IL1R1: variants seen among roughly 807,000 people sequenced by gnomAD.
IL1R1 encodes the protein interleukin-1 receptor type 1.
A neutral mutation model predicts 50.2 loss-of-function variants in IL1R1; 22 were observed. The ratio of observed to expected loss-of-function variants is 0.44; its 90% CI spans 0.31 to 0.63. The LOEUF (loss-of-function observed/expected upper bound fraction) is 0.63, where lower values mean the gene tolerates loss of function less well. Among genes scored for constraint, IL1R1 ranks in the 20% least tolerant of loss-of-function variants. The pLI, the probability that IL1R1 is intolerant of heterozygous loss-of-function variation, is 0.07. For synonymous variants in IL1R1, 251 were observed against 236.7 expected (o/e 1.06, Z -0.55); for missense variants, 509 against 676.2 (o/e 0.75, Z 2.74).
At chr2:102,075,857 A>T (rs1678933923) in intron 1 of IL1R1, among the ~76,000 whole-genome samples, 2 of 152,224 alleles carry the variant, frequency 1.3e-5, no homozygotes, top group South Asian at 2.1e-4. Flanking sequence ...TGGCTTTAAG[A>T]TGATCAATCT....
chr2:102,159,061 G>A (rs768217632), intron 3 of IL1R1, among the ~76,000 whole-genome samples: 2 of 152,200 alleles, frequency 1.3e-5, no homozygotes, highest in Non-Finnish European at 2.9e-5. Flanking sequence ...CTGCGCAAAC[G>A]CAAGGTGAAA....
chr2:102,103,421 T>G (rs1285019892), upstream of IL1R1, among the ~76,000 whole-genome samples: 1 of 152,130 alleles, frequency 6.6e-6, no homozygotes, highest in Admixed American at 6.5e-5. Context: ...AGTGGCAGAA[T>G]TGAGGCTGCA....
intron 9 of IL1R1, among the ~76,000 whole-genome samples, chr2:102,173,158 C>T (rs1685836910): frequency 6.6e-6 from 1 of 152,140 alleles, no homozygotes; most frequent in African/African-American, 2.4e-5. Context: ...TGGTGGCAAC[C>T]ATTTATCTTA....
At chr2:102,090,713 T>C (rs1017687705) in intron 1 of IL1R1, among the ~76,000 whole-genome samples, 1 of 152,204 alleles carries the variant, frequency 6.6e-6, no homozygotes. Flanking sequence ...TTAGTTCATG[T>C]TTTTCTGCAT....
rs145900966 is a variant in IL1R1 at position 102,176,295 on chromosome 2, A to G, written c.1304-58A>G. 7,705 of 1,501,336 alleles carry G rather than the reference A, an allele frequency of 5.1e-3. 26 individuals are homozygous for G. Among genetic ancestry groups the G allele is most frequent in the Non-Finnish European group, 6.6e-3 (7,224 of 1,100,724 alleles). The allele number at this position is 1,501,336 out of a possible 1,614,324, so 93.0% of individuals were successfully genotyped here. A position where few individuals can be genotyped will look rare whatever the true frequency, so the allele number is the denominator to read the frequency against. On this transcript the variant is annotated intron_variant, in intron 11 of 11. Coordinates refer to ENST00000410023, the MANE Select transcript of IL1R1 (RefSeq NM_000877.4). Reference sequence around the variant, plus strand: ...GAAAAGCCTTGTGTGGCTTTGGTTCAGGAGAGAATGATGATAAATAGAATT... The same window carrying G: ...GAAAAGCCTTGTGTGGCTTTGGTTCGGGAGAGAATGATGATAAATAGAATT...
intron 1 of IL1R1, among the ~76,000 whole-genome samples, chr2:102,115,937 G>A (rs1681046492): frequency 6.6e-6 from 1 of 152,198 alleles, no homozygotes; most frequent in South Asian, 2.1e-4. Flanking sequence ...TTGTTTGGGA[G>A]GCAGTGGAGC....
In IL1R1 at chr2:102,168,359, T is replaced by C. The variant is rs150592792; in HGVS notation, c.656-239T>C. Among the ~76,000 whole-genome samples, 750 of 152,328 alleles carry C rather than the reference T, an allele frequency of 4.9e-3. 4 individuals are homozygous for C. Among genetic ancestry groups the C allele is most frequent in the African/African-American group, 0.017 (724 of 41,578 alleles). On this transcript the variant is annotated intron_variant, in intron 6 of 11. Coordinates refer to ENST00000410023, the MANE Select transcript of IL1R1 (RefSeq NM_000877.4). ...TCCTGGTGATGTGTGTGTTTTTCAGTAGCACCCCACTCTATGAATTCGGAA... is the reference window on the plus strand; with the variant it reads ...TCCTGGTGATGTGTGTGTTTTTCAGCAGCACCCCACTCTATGAATTCGGAA...
rs1470345376 is a variant in IL1R1 at position 102,127,391 on chromosome 2, C to G, written c.-84+22519C>G. On this transcript the variant is annotated intron_variant, in intron 1 of 10. Transcript: ENST00000409329. ...AAATACTGAAATCAAGTGCAAGAACCTTTAATGGGCAGAGTTAAATGACAC... is the reference window on the plus strand; with the variant it reads ...AAATACTGAAATCAAGTGCAAGAACGTTTAATGGGCAGAGTTAAATGACAC... Among the ~76,000 whole-genome samples the G allele has an allele frequency of 1.3e-5, 2 of 152,042 alleles. 1 individual carries two copies. Among genetic ancestry groups the G allele is most frequent in the East Asian group, 3.9e-4 (2 of 5,188 alleles).
At chr2:102,127,175 G>A (rs1353394802) in intron 1 of IL1R1, among the ~76,000 whole-genome samples, 1 of 152,202 alleles carries the variant, frequency 6.6e-6, no homozygotes, top group African/African-American at 2.4e-5. Context: ...ATCCTTTGAA[G>A]TTCCATTGGG....
At chr2:102,108,472 G>A (rs972774315) in intron 1 of IL1R1, among the ~76,000 whole-genome samples, 23 of 152,116 alleles carry the variant, frequency 1.5e-4, no homozygotes, top group Non-Finnish European at 2.6e-4. Context: ...CTCAAAGACG[G>A]GGTCCGGTTT....
At chr2:102,108,079 A>G (rs1219711835) in intron 1 of IL1R1, among the ~76,000 whole-genome samples, 2 of 152,188 alleles carry the variant, frequency 1.3e-5, no homozygotes, top group Admixed American at 1.3e-4. Context: ...GAAAAGCAAA[A>G]ATGCAAAATG....
chr2:102,112,110 G>C (rs1213764245), intron 1 of IL1R1, among the ~76,000 whole-genome samples: 2 of 151,846 alleles, frequency 1.3e-5, no homozygotes, highest in Admixed American at 1.3e-4. Context: ...TTATGAGTCT[G>C]TAGTGTTTTC....
intron 1 of IL1R1, among the ~76,000 whole-genome samples, chr2:102,109,978 G>T (rs1680654273): frequency 6.6e-6 from 1 of 152,044 alleles, no homozygotes. Flanking sequence ...ACTTTTTTTG[G>T]TTAAACTTTT....
chr2:102,174,808 GT>G (rs3917316), intron 10 of IL1R1, 78 bp downstream of exon 10: 2 of 1,207,050 alleles, frequency 1.7e-6, no homozygotes, highest in Non-Finnish European at 2.3e-6. Flanking sequence ...GACTAAGAGG[GT>G]TTTTACTAAG....
intron 1 of IL1R1, among the ~76,000 whole-genome samples, chr2:102,133,188 G>A (rs1682135790): frequency 7.3e-6 from 1 of 137,778 alleles, no homozygotes; most frequent in Admixed American, 7.7e-5. Context: ...AGCTTGCAGT[G>A]AGCCCATATC....
At chr2:102,100,283 T>C (rs1489520831), upstream of IL1R1, among the ~76,000 whole-genome samples, 4 of 152,188 alleles carry the variant, frequency 2.6e-5, no homozygotes, top group East Asian at 1.9e-4. Flanking sequence ...CTCTCCACAA[T>C]TGAAGAGTGC....
At chr2:102,101,369 T>A (rs1011681699), upstream of IL1R1, among the ~76,000 whole-genome samples, 1 of 152,198 alleles carries the variant, frequency 6.6e-6, no homozygotes, top group African/African-American at 2.4e-5. Flanking sequence ...CAGGTTGGTG[T>A]CTCTCTAATT....
At chr2:102,139,044 C>A (rs981899822), upstream of IL1R1, among the ~76,000 whole-genome samples, 7 of 151,974 alleles carry the variant, frequency 4.6e-5, no homozygotes, top group African/African-American at 1.7e-4. Context: ...CCAAACCCTG[C>A]ATTTGTTTTT....
intron 1 of IL1R1, among the ~76,000 whole-genome samples, chr2:102,072,734 T>C (rs1678785705): frequency 1.3e-5 from 2 of 152,252 alleles, no homozygotes; most frequent in South Asian, 4.1e-4. Flanking sequence ...CAAATATTTT[T>C]CCCTAAGTTT....
Sources: gnomAD v4.1 joint callset for allele counts (sites outside exome capture counted in the v4.1 genomes callset) on GRCh38, gnomAD v4.1.1 for gene constraint, MANE v1.5 for transcripts, NCBI Gene and HGNC (gene_info 2026-07-23, HGNC 2026-07-21) for gene names.